The following ZW10 variants were observed in gnomAD, a reference collection of about 807,000 sequenced individuals.
ZW10 encodes zw10 kinetochore protein.
ZW10 carries 53 observed loss-of-function variants against 87.8 expected under a neutral mutation model. The ratio of observed to expected loss-of-function variants is 0.60; its 90% CI spans 0.48 to 0.76. The LOEUF is 0.76. ZW10 is among the 30% of genes least tolerant of loss of function. ZW10 has a pLI of 0.00. For missense variants in ZW10, 837 were observed against 923.0 expected (o/e 0.91, Z 1.21); for synonymous variants, 312 against 329.2 (o/e 0.95, Z 0.57).
intron 11 of ZW10, among the ~76,000 whole-genome samples, chr11:113,740,590 T>C (rs779188356): frequency 1.3e-5 from 2 of 152,018 alleles, no homozygotes; most frequent in Non-Finnish European, 2.9e-5. Context: ...TCTCAAAATA[T>C]GAAATTAAAT....
At chr11:113,744,196 G>A (rs1953656166) in intron 9 of ZW10, among the ~76,000 whole-genome samples, 156 bp from the exon 10 acceptor site, 1 of 152,082 alleles carries the variant, frequency 6.6e-6, no homozygotes, top group Non-Finnish European at 1.5e-5. Flanking sequence ...GACCATCCTG[G>A]CTAACACGGT....
intron 11 of ZW10, among the ~76,000 whole-genome samples, chr11:113,739,987 G>T (rs941344325): frequency 9.2e-5 from 14 of 152,108 alleles, no homozygotes; most frequent in South Asian, 6.2e-4. Context: ...TCTTCTACAC[G>T]TATTAGTCTT....
chr11:113,770,109 GA>G, intron 1 of ZW10: 1 of 104,176 alleles, frequency 9.6e-6, no homozygotes, highest in African/African-American at 4.0e-5. Flanking sequence ...TTTTTTTTGA[GA>G]TGGAGTCTCG....
chr11:113,758,642 T>C lies in ZW10; in HGVS notation c.645A>G (p.Lys215=), dbSNP rs373353310. Residue 215 remains lysine (K), a synonymous_variant, in exon 6 of 16, where the codon AAA becomes AAG. Transcript: ENST00000200135. ...ELHLYTEQSH[K]EEKTPMPPIS... The stretch of plus-strand genomic sequence containing the variant: ...TGGGTGGCATAGGGGTCTTCTCCTC[T>C]TTGTGCGATTGTTCAGTGTATAAAT... The C allele has an allele frequency of 1.9e-6, 3 of 1,614,106 alleles. No homozygotes were observed. Among genetic ancestry groups the C allele is most frequent in the Non-Finnish European group, 2.5e-6 (3 of 1,179,990 alleles).
At chr11:113,754,235 A>G (rs1953760519) in intron 7 of ZW10, among the ~76,000 whole-genome samples, 1 of 152,192 alleles carries the variant, frequency 6.6e-6, no homozygotes, top group Admixed American at 6.5e-5. Context: ...CTGTAATCCT[A>G]GCACTTTGGG....
At chr11:113,760,086 CAATACA>C in intron 5 of ZW10, 117 bp downstream of exon 5, 1 of 1,209,218 alleles carries the variant, frequency 8.3e-7, no homozygotes, top group Non-Finnish European at 1.1e-6. Context: ...CATGAGTGCT[CAATACA>C]GACATGGAAG....
chr11:113,762,571 G>A (rs1331198191), intron 2 of ZW10, among the ~76,000 whole-genome samples: 2 of 150,428 alleles, frequency 1.3e-5, no homozygotes, highest in African/African-American at 4.9e-5. Flanking sequence ...CAGCTGGAGT[G>A]CAGTGGCACA....
At position 113,736,727 on chromosome 11, in the gene ZW10, GCTTT is replaced by G; in HGVS notation, c.2108_2111del (p.Glu703AlafsTer23). ...CCTCTTCTTGATATTTCTTGTTCTT[GCTTT>G]CTTCAGATAAAGGTGCAAATACTTG... On this transcript the variant is annotated frameshift_variant, in exon 15 of 16. Transcript: ENST00000200135. LOFTEE classifies it high-confidence loss of function. The G allele has an allele frequency of 6.2e-7, 1 of 1,614,078 alleles. No homozygotes were observed. The highest frequency in any genetic ancestry group is 1.3e-5 in the African/African-American group (1 of 75,006).
intron 7 of ZW10, among the ~76,000 whole-genome samples, chr11:113,755,708 G>A (rs989000430): frequency 6.6e-6 from 1 of 152,104 alleles, no homozygotes; most frequent in African/African-American, 2.4e-5. Flanking sequence ...CTTTCATGAA[G>A]GGAAGTCAAT....
chr11:113,768,869 T>C lies in ZW10; in HGVS notation c.204A>G (p.Glu68=), dbSNP rs763592848. 6.2e-7 allele frequency: 1 copy of C among 1,614,182 alleles called. No individual in the cohort carries two copies. The highest frequency in any genetic ancestry group is 1.7e-5 in the Admixed American group (1 of 60,026). ...GLITQVDKLS[E]DIDLLKSRIE... The stretch of plus-strand genomic sequence containing the variant: ...TCCTGGATTTCAGCAGGTCAATGTC[T>C]TCAGATAGCTTATCCACCTGGGTAA... The change falls in exon 2 of 16, where the codon GAA becomes GAG. Residue 68 remains glutamate (E), a synonymous_variant. Transcript: ENST00000200135.
intron 11 of ZW10, among the ~76,000 whole-genome samples, chr11:113,741,125 G>GT (rs745761469): frequency 0.016 from 2,244 of 142,480 alleles, 17 homozygotes; most frequent in Middle Eastern, 0.036. Context: ...AACAGCTTTT[G>GT]TTTTTTTTTT....
At chr11:113,769,726 C>A in intron 1 of ZW10, 1 of 412,338 alleles carries the variant, frequency 2.4e-6, no homozygotes, top group Non-Finnish European at 4.7e-6. Context: ...GGCCTATAGC[C>A]CATAAGGATT....
intron 7 of ZW10, among the ~76,000 whole-genome samples, chr11:113,754,092 C>T (rs1565284689): frequency 2.6e-5 from 4 of 152,194 alleles, no homozygotes; most frequent in African/African-American, 9.7e-5. Context: ...GAAGTCAATA[C>T]TTGGCTTCAA....
chr11:113,761,214 T>C (rs1953856970), intron 2 of ZW10, among the ~76,000 whole-genome samples: 1 of 152,204 alleles, frequency 6.6e-6, no homozygotes, highest in South Asian at 2.1e-4. Flanking sequence ...CCCACCTGGA[T>C]TACTAGAAAG....
At chr11:113,738,185 T>C in intron 13 of ZW10, 79 bp downstream of exon 13, 1 of 1,451,712 alleles carries the variant, frequency 6.9e-7, no homozygotes, top group African/African-American at 1.4e-5. Context: ...ACATATTGTT[T>C]TCTGCTTTAA....
Position 113,760,898 on chromosome 11 carries a change from T to A in ZW10, c.261A>T (p.Val87=), listed in dbSNP as rs1235950485. 6 of 1,613,938 alleles carry A rather than the reference T, an allele frequency of 3.7e-6. No homozygotes were observed. The highest frequency in any genetic ancestry group is 5.1e-6 in the Non-Finnish European group (6 of 1,180,012). Reference sequence around the variant, plus strand: ...TTAAGTCTGTAAATTCACCGGTTGATACGTGAAGATCCCGGCGGACCTAAT... The same window carrying A: ...TTAAGTCTGTAAATTCACCGGTTGAAACGTGAAGATCCCGGCGGACCTAAT... The part of the protein sequence containing the change: ...IESEVRRDLH[V]STGEFTDLKQ... The change falls in exon 3 of 16, where the codon GTA becomes GTT. Residue 87 remains valine (V), a synonymous_variant. Coordinates refer to ENST00000200135, the MANE Select transcript of ZW10 (RefSeq NM_004724.4).
intron 10 of ZW10, 54 bp from the exon 11 acceptor site, chr11:113,741,819 G>GA: frequency 1.5e-6 from 2 of 1,339,450 alleles, no homozygotes; most frequent in Non-Finnish European, 1.0e-6. Context: ...CTAAAAACAA[G>GA]AAAAAAATTT....
chr11:113,760,377 G>C lies in ZW10; in HGVS notation c.421-9C>G. 1.2e-6 allele frequency: 2 copies of C among 1,613,362 alleles called. No homozygotes were observed. Among genetic ancestry groups the C allele is most frequent in the South Asian group, 1.1e-5 (1 of 90,980 alleles). On this transcript the variant is annotated splice_polypyrimidine_tract_variant and intron_variant, in intron 4 of 15. Transcript: ENST00000200135. Reference sequence around the variant, plus strand: ...TTCAAGCATTTCTGTGCCTGGTAACGAAATGGAATCACTGTTAAACATTCC... The same window carrying C: ...TTCAAGCATTTCTGTGCCTGGTAACCAAATGGAATCACTGTTAAACATTCC...
chr11:113,734,312 A>G (rs980091900), intron 15 of ZW10, among the ~76,000 whole-genome samples: 3 of 152,376 alleles, frequency 2.0e-5, no homozygotes, highest in African/African-American at 7.2e-5. Context: ...GATGCTCAAC[A>G]TCATTAGAAT....
Sources: allele counts gnomAD v4.1 joint callset (sites outside exome capture counted in the v4.1 genomes callset), GRCh38; gene constraint gnomAD v4.1.1; transcripts MANE v1.5; gene names NCBI Gene and HGNC (gene_info 2026-07-23, HGNC 2026-07-21).